Variants in SMIM17 observed in about 807,000 individuals in gnomAD.
The protein encoded by SMIM17 is small integral membrane protein 17.
In SMIM17, 10 loss-of-function variants were observed where a neutral mutation model predicts 12.2. That is an observed-to-expected ratio of 0.82 (90% CI 0.50 to 1.39). The LOEUF (loss-of-function observed/expected upper bound fraction) is 1.39, where lower values mean the gene tolerates loss of function less well. Ranked by LOEUF, SMIM17 falls within the 40% of genes most tolerant of loss-of-function variation. The pLI is 0.00. For synonymous variants in SMIM17, 50 were observed against 44.1 expected (o/e 1.13, Z -0.53); for missense variants, 136 against 118.2 (o/e 1.15, Z -0.70).
chr19:56,646,844 A>G (rs999592970), intron 2 of SMIM17, among the ~76,000 whole-genome samples: 1 of 152,162 alleles, frequency 6.6e-6, no homozygotes, highest in Admixed American at 6.5e-5. Flanking sequence ...ATTTGCCGAC[A>G]TCTCAATGAC....
Position 56,647,600 on chromosome 19 carries a change from C to T in SMIM17, c.212C>T (p.Ser71Leu), listed in dbSNP as rs1007236108. 7.3e-5 allele frequency: 112 copies of T among 1,535,828 alleles called. No homozygotes were observed. In the East Asian group the frequency reaches 1.9e-3, roughly 25 times the overall value. The stretch of plus-strand genomic sequence containing the variant: ...ACTGGGCTTTCCCAGGAGTGGAGCT[C>T]GGTGGAGGAAGATGACGAATCAGAG... Reference protein sequence around the residue: ...QETGLSQEWSSVEEDDESEGS... With the variant: ...QETGLSQEWSLVEEDDESEGS... The change falls in exon 3 of 4, where the codon TCG (serine) becomes TTG (leucine). Residue 71 changes from serine (S) to leucine (L), a missense_variant. Coordinates refer to ENST00000598409, the MANE Select transcript of SMIM17 (RefSeq NM_001193628.2).
chr19:56,651,000 A>C (rs1412036798), intron 3 of SMIM17, among the ~76,000 whole-genome samples: 2 of 152,158 alleles, frequency 1.3e-5, no homozygotes, highest in Non-Finnish European at 2.9e-5. Context: ...TCTCATTGGC[A>C]GGCCCTGGGT....
At chr19:56,646,463 G>T (rs1164203801) in intron 2 of SMIM17, among the ~76,000 whole-genome samples, 1 of 152,202 alleles carries the variant, frequency 6.6e-6, no homozygotes, top group African/African-American at 2.4e-5. Flanking sequence ...CTGTGGAGAT[G>T]CTGCTGTTAT....
intron 3 of SMIM17, among the ~76,000 whole-genome samples, chr19:56,652,268 A>G (rs180800529): frequency 1.4e-3 from 210 of 152,080 alleles, no homozygotes; most frequent in South Asian, 2.7e-3. Flanking sequence ...GAAGCTGGAG[A>G]GGGGAGGAGA....
intron 3 of SMIM17, among the ~76,000 whole-genome samples, chr19:56,652,791 C>A (rs1200188986): frequency 6.6e-6 from 1 of 152,072 alleles, no homozygotes; most frequent in Non-Finnish European, 1.5e-5. Context: ...GGGTAATCCT[C>A]TAGGAAGGAG....
At chr19:56,647,137 T>A (rs2045069549) in intron 2 of SMIM17, among the ~76,000 whole-genome samples, 1 of 152,184 alleles carries the variant, frequency 6.6e-6, no homozygotes, top group Non-Finnish European at 1.5e-5. Context: ...TCCATCATCC[T>A]GGTTTACTTC....
chr19:56,651,907 C>T (rs2045112024), intron 3 of SMIM17, among the ~76,000 whole-genome samples: 1 of 151,904 alleles, frequency 6.6e-6, no homozygotes, highest in African/African-American at 2.4e-5. Context: ...AGTTCGAGAT[C>T]AGTCTGCATA....
intron 1 of SMIM17, among the ~76,000 whole-genome samples, chr19:56,644,619 C>T (rs2045047951): frequency 6.6e-6 from 1 of 152,238 alleles, no homozygotes; most frequent in Admixed American, 6.5e-5. Flanking sequence ...GACCTGATCT[C>T]TCTTGCCCCA....
chr19:56,649,455 T>C (rs150967655), intron 3 of SMIM17, among the ~76,000 whole-genome samples: 26 of 152,072 alleles, frequency 1.7e-4, no homozygotes, highest in African/African-American at 5.1e-4. Flanking sequence ...GCAGCTAAAA[T>C]ATGAATTGGG....
At chr19:56,647,764 T>G in intron 3 of SMIM17, 130 bp downstream of exon 3, 1 of 760,150 alleles carries the variant, frequency 1.3e-6, no homozygotes, top group Non-Finnish European at 2.1e-6. Context: ...TTGTGTCTGA[T>G]CTCTATGGTG....
intron 2 of SMIM17, 39 bp from the exon 3 acceptor site, chr19:56,647,519 C>A (rs1157025668): frequency 4.0e-6 from 6 of 1,496,412 alleles, no homozygotes; most frequent in Non-Finnish European, 5.4e-6. Flanking sequence ...TGGCCACTCA[C>A]TCATGGCTCC....
Position 56,655,173 on chromosome 19 carries a change from T to A in SMIM17, c.317T>A (p.Phe106Tyr). 1.4e-6 allele frequency: 1 copy of A among 702,824 alleles called. No homozygotes were observed. The highest frequency in any genetic ancestry group is 1.5e-5 in the South Asian group (1 of 67,560). The allele number at this position is 702,824 out of a possible 1,614,324, so 43.5% of individuals were successfully genotyped here. A position where few individuals can be genotyped will look rare whatever the true frequency, so the allele number is the denominator to read the frequency against. Residue 106 changes from phenylalanine (F) to tyrosine (Y), a missense_variant, in exon 4 of 4, where the codon TTC (phenylalanine) becomes TAC (tyrosine). Physicochemically the swap from Phe to Tyr is conservative, Grantham distance 22. Transcript: ENST00000598409. ...TTGGTAGTGTGCGTGCTTTTTTTGT[T>A]CCTGGTTTTAACGGGGATGCCTATG... Reference protein sequence around the residue: ...IVLVVCVLFLFLVLTGMPMMF... With the variant: ...IVLVVCVLFLYLVLTGMPMMF...
intron 3 of SMIM17, among the ~76,000 whole-genome samples, chr19:56,650,688 G>A (rs1385921537): frequency 6.6e-6 from 1 of 152,182 alleles, no homozygotes; most frequent in African/African-American, 2.4e-5. Context: ...GGGGAGGATA[G>A]GAGCGAATGG....
At chr19:56,649,372 T>C (rs1024235566) in intron 3 of SMIM17, among the ~76,000 whole-genome samples, 5 of 152,152 alleles carry the variant, frequency 3.3e-5, no homozygotes, top group African/African-American at 9.7e-5. Context: ...GAGTGTACAA[T>C]AGTGAGACAG....
Position 56,650,736 on chromosome 19 carries a change from G to A in SMIM17, c.246+3102G>A, listed in dbSNP as rs140580408. Among the ~76,000 whole-genome samples, 735 of 152,294 alleles carry A rather than the reference G, an allele frequency of 4.8e-3. 1 individual carries two copies. The highest frequency in any genetic ancestry group is 7.0e-3 in the Non-Finnish European group (477 of 68,030). On this transcript the variant is annotated intron_variant, in intron 3 of 3. Coordinates refer to ENST00000598409, the MANE Select transcript of SMIM17 (RefSeq NM_001193628.2). ...GATGACATTTCCAGACCTGTGGAAC[G>A]TAAAAGGTGAAGGAACAGGGACAAG...
intron 1 of SMIM17, among the ~76,000 whole-genome samples, chr19:56,645,003 G>A (rs931409821): frequency 5.9e-5 from 9 of 152,164 alleles, no homozygotes; most frequent in East Asian, 1.9e-4. Context: ...GAGCCACCTC[G>A]CCTGGCTGAT....
At chr19:56,648,035 C>G (rs2045078030) in intron 3 of SMIM17, among the ~76,000 whole-genome samples, 1 of 151,314 alleles carries the variant, frequency 6.6e-6, no homozygotes, top group Non-Finnish European at 1.5e-5. Context: ...TATTCACCTA[C>G]TTGCTTGTAT....
chr19:56,647,923 C>T (rs1427017686), intron 3 of SMIM17, among the ~76,000 whole-genome samples: 3 of 152,052 alleles, frequency 2.0e-5, no homozygotes, highest in Non-Finnish European at 4.4e-5. Context: ...CCCTTCCATC[C>T]ACCCTCTTAC....
rs149784464 is a variant in SMIM17 at position 56,648,218 on chromosome 19, C to T, written c.246+584C>T. On this transcript the variant is annotated intron_variant, in intron 3 of 3. Transcript: ENST00000598409. ...TCCCTATACCTCAGCTGTCTATCCA[C>T]TTTTCCATCCACCCATAAACCCTCC... Among the ~76,000 whole-genome samples, 5 of 141,566 alleles carry T rather than the reference C, an allele frequency of 3.5e-5. No individual in the cohort carries two copies. The East Asian group carries it at 9.1e-4, about 26-fold the overall frequency. 92.9% of individuals were successfully genotyped at this position (141,566 alleles called of 152,430 possible).
Sources: allele counts gnomAD v4.1 joint callset (sites outside exome capture counted in the v4.1 genomes callset), GRCh38; gene constraint gnomAD v4.1.1; transcripts MANE v1.5; gene names NCBI Gene and HGNC (gene_info 2026-07-23, HGNC 2026-07-21).